Variants in HSPA12A observed in about 807,000 individuals in gnomAD.
The protein encoded by HSPA12A is heat shock protein family A (Hsp70) member 12A.
A neutral mutation model predicts 69.2 loss-of-function variants in HSPA12A; 28 were observed. That is an observed-to-expected ratio of 0.40 (90% CI 0.30 to 0.55). The LOEUF is 0.55. Ranked by LOEUF, HSPA12A falls within the 20% of genes least tolerant of loss-of-function variation. The pLI, the probability that HSPA12A is intolerant of heterozygous loss-of-function variation, is 0.38. For synonymous variants in HSPA12A, 345 were observed against 370.5 expected, an observed-to-expected ratio of 0.93 and a Z score of 0.79; for missense variants, 686 against 900.7, an observed-to-expected ratio of 0.76 and a Z score of 3.05.
Position 116,751,896 on chromosome 10 carries a change from C to T in HSPA12A, c.92-44611G>A, listed in dbSNP as rs114424601. Reference sequence around the variant, plus strand: ...ATGTGTTGTGCCCGCTTCCCATTTGCCTTCACCATAATTGTAAGCTTCTTG... The same window carrying T: ...ATGTGTTGTGCCCGCTTCCCATTTGTCTTCACCATAATTGTAAGCTTCTTG... On this transcript the variant is annotated intron_variant, in intron 2 of 12. Transcript: ENST00000635765. 6.8e-3 allele frequency among the ~76,000 whole-genome samples: 1,039 copies of T among 152,224 alleles called. 11 individuals carry two copies. Among genetic ancestry groups the T allele is most frequent in the African/African-American group, 0.024 (985 of 41,538 alleles).
Position 116,686,519 on chromosome 10 carries a change from G to A in HSPA12A, c.664-2557C>T, listed in dbSNP as rs1564777429. ...GGATGGCAGTAGACCCATGAGTGGA[G>A]CCCAAGGAGTTGGTGTGAAGGAAGA... On this transcript the variant is annotated intron_variant, in intron 6 of 11. Coordinates refer to ENST00000369209, the MANE Select transcript of HSPA12A (RefSeq NM_025015.3). This position sits in a 1 kb window ranked among gnomAD's most constrained non-coding sequence, Gnocchi z 4.1. 6.6e-6 allele frequency among the ~76,000 whole-genome samples: 1 copy of A among 152,212 alleles called. No individual in the cohort carries two copies. Among genetic ancestry groups the A allele is most frequent in the Non-Finnish European group, 1.5e-5 (1 of 68,038 alleles).
Position 116,767,241 on chromosome 10 carries a change from G to T in HSPA12A, c.92-59956C>A, listed in dbSNP as rs369669014. Among the ~76,000 whole-genome samples the T allele has an allele frequency of 5.9e-5, 9 of 152,182 alleles. No homozygotes were observed. In the East Asian group the frequency reaches 7.7e-4, roughly 13 times the overall value. ...GCAAAGAGGCAACCAGAGGACAAGA[G>T]CCTGGGCCACGGAGACTGGAAGAGG... On this transcript the variant is annotated intron_variant, in intron 2 of 12. Transcript: ENST00000635765.
chr10:116,789,850 T>G (rs1018622311), intron 2 of HSPA12A, among the ~76,000 whole-genome samples: 5 of 152,144 alleles, frequency 3.3e-5, no homozygotes, highest in African/African-American at 1.2e-4. Context: ...CTCTCCAGAC[T>G]ACGGGTCAGG....
intron 2 of HSPA12A, among the ~76,000 whole-genome samples, chr10:116,795,093 A>G (rs1235755769): frequency 6.6e-6 from 1 of 152,168 alleles, no homozygotes; most frequent in Admixed American, 6.5e-5. Context: ...GGATAAATAA[A>G]AGCAAAATAA....
At chr10:116,745,985 T>TC (rs1395864608), upstream of HSPA12A, among the ~76,000 whole-genome samples, 4 of 151,626 alleles carry the variant, frequency 2.6e-5, no homozygotes, top group African/African-American at 4.9e-5. Flanking sequence ...GTCACCCACC[T>TC]CCCCCTCTAG....
chr10:116,674,665 T>C lies in HSPA12A; in HGVS notation c.*116A>G. ...TAGCCCTGATTGTTCTCATCTTCCC[T>C]GCTGAAATTCACATGGGCAATGGTG... On this transcript the variant is annotated 3_prime_UTR_variant, in exon 12 of 12. Coordinates refer to ENST00000369209, the MANE Select transcript of HSPA12A (RefSeq NM_025015.3). 1 of 1,039,466 alleles carries C rather than the reference T, an allele frequency of 9.6e-7. No individual in the cohort carries two copies. The highest frequency in any genetic ancestry group is 1.4e-6 in the Non-Finnish European group (1 of 715,226). 64.4% of individuals were successfully genotyped at this position (1,039,466 alleles called of 1,614,324 possible). A position where few individuals can be genotyped will look rare whatever the true frequency, so the allele number is the denominator to read the frequency against.
chr10:116,729,117 C>T lies in HSPA12A; in HGVS notation c.40+13313G>A, dbSNP rs782351593. ...CTCAGTTCTAGTGGGTTCTCAGCCTCTGTCTGGCAGCATTGCCCAGCCCAA... is the reference window on the plus strand; with the variant it reads ...CTCAGTTCTAGTGGGTTCTCAGCCTTTGTCTGGCAGCATTGCCCAGCCCAA... On this transcript the variant is annotated intron_variant, in intron 1 of 11. Transcript: ENST00000369209. Among the ~76,000 whole-genome samples, 201 of 152,350 alleles carry T rather than the reference C, an allele frequency of 1.3e-3. 2 individuals are homozygous for T. Among genetic ancestry groups the T allele is most frequent in the Non-Finnish European group, 1.7e-3 (114 of 68,030 alleles).
chr10:116,790,092 C>CTTTTT (rs140785704), intron 2 of HSPA12A, among the ~76,000 whole-genome samples: 7 of 69,122 alleles, frequency 1.0e-4, no homozygotes, highest in African/African-American at 2.0e-4. Flanking sequence ...GATAATCTTT[C>CTTTTT]TTTTTTTTTT....
At chr10:116,690,825 A>G (rs1446299239) in intron 6 of HSPA12A, among the ~76,000 whole-genome samples, 1 of 151,966 alleles carries the variant, frequency 6.6e-6, no homozygotes, top group Non-Finnish European at 1.5e-5. Context: ...GGCTATAAAT[A>G]AGAATTGACC....
chr10:116,726,517 C>T (rs1176286187), intron 1 of HSPA12A, among the ~76,000 whole-genome samples: 3 of 151,948 alleles, frequency 2.0e-5, no homozygotes, highest in African/African-American at 7.3e-5. Context: ...GATATCACTA[C>T]CTACCACCCC....
intron 2 of HSPA12A, among the ~76,000 whole-genome samples, chr10:116,773,430 C>T (rs1844258909): frequency 6.6e-6 from 1 of 152,246 alleles, no homozygotes; most frequent in Non-Finnish European, 1.5e-5. Context: ...GGCCTGGGAG[C>T]TGTGCGTCAC....
intron 2 of HSPA12A, among the ~76,000 whole-genome samples, chr10:116,757,307 C>G (rs1054313076): frequency 6.6e-6 from 1 of 152,186 alleles, no homozygotes; most frequent in Non-Finnish European, 1.5e-5. Flanking sequence ...CAGCATGAGT[C>G]TCCCAGGGAG....
At chr10:116,849,411 G>T in intron 1 of HSPA12A, 1 of 1,064,592 alleles carries the variant, frequency 9.4e-7, no homozygotes, top group Non-Finnish European at 1.3e-6. Flanking sequence ...TACCATCCTA[G>T]CTCCAATAAA....
intron 2 of HSPA12A, among the ~76,000 whole-genome samples, chr10:116,785,266 C>T (rs1844551639): frequency 6.6e-6 from 1 of 150,960 alleles, no homozygotes; most frequent in South Asian, 2.1e-4. Context: ...AGTATGAATT[C>T]TGGAACACAG....
At position 116,792,502 on chromosome 10, in the gene HSPA12A, C is replaced by G. The variant is rs185053207; in HGVS notation, c.91+42433G>C. On this transcript the variant is annotated intron_variant, in intron 2 of 12. Coordinates refer to the HSPA12A transcript ENST00000635765. ...AAAAAATAAAAATAAATCAGCTGGG[C>G]GCAGTAGCACATGCCCGTAATCCCA... Among the ~76,000 whole-genome samples, 306 of 151,490 alleles carry G rather than the reference C, an allele frequency of 2.0e-3. 2 individuals are homozygous for G. The highest frequency in any genetic ancestry group is 7.0e-3 in the African/African-American group (289 of 41,254).
chr10:116,684,027 G>A (rs561571668), intron 6 of HSPA12A, 65 bp from the exon 7 acceptor site: 34 of 1,382,418 alleles, frequency 2.5e-5, no homozygotes, highest in Admixed American at 1.7e-4. Flanking sequence ...TAGGACACCC[G>A]TGCCTGGACT....
rs1849212254 is a variant in HSPA12A, at chr10:116,675,528, G to C, written c.1391-110C>G. The C allele has an allele frequency of 5.1e-6, 6 of 1,166,836 alleles. No homozygotes were observed. In the South Asian group the frequency reaches 9.7e-5, roughly 19 times the overall value. The allele number at this position is 1,166,836 out of a possible 1,614,324, so 72.3% of individuals were successfully genotyped here. On this transcript the variant is annotated intron_variant, in intron 11 of 11. Transcript: ENST00000369209. The surrounding 1 kb of genome is among the most constrained non-coding windows in gnomAD (Gnocchi z 5.2). ...CGGATAAAGCCACTTGGGCCACTGG[G>C]AGGGCAGGCTTACTCTGAGCTCCTT...
At chr10:116,702,421 G>A (rs1205682447) in intron 3 of HSPA12A, among the ~76,000 whole-genome samples, 7 of 152,112 alleles carry the variant, frequency 4.6e-5, no homozygotes, top group African/African-American at 1.7e-4. Flanking sequence ...ACCTGCTCCC[G>A]ACCCCATGAC....
intron 1 of HSPA12A, among the ~76,000 whole-genome samples, chr10:116,843,758 T>A (rs1283181378): frequency 6.6e-6 from 1 of 152,226 alleles, no homozygotes; most frequent in African/African-American, 2.4e-5. Context: ...CATATATTTT[T>A]AAAATGTATA....
Sources: allele counts gnomAD v4.1 joint callset (sites outside exome capture counted in the v4.1 genomes callset), GRCh38; gene constraint gnomAD v4.1.1; non-coding constraint Gnocchi (gnomAD v3.1); transcripts MANE v1.5; gene names NCBI Gene and HGNC (gene_info 2026-07-23, HGNC 2026-07-21).